NHS: variants seen among roughly 807,000 people sequenced by gnomAD.
The protein encoded by NHS is actin remodeling regulator NHS.
A neutral mutation model predicts 72.5 loss-of-function variants in NHS; 5 were observed. The observed-to-expected ratio is 0.07, with a 90% CI of 0.04 to 0.14. The LOEUF (loss-of-function observed/expected upper bound fraction) is 0.14, where lower values mean the gene tolerates loss of function less well. NHS is among the 10% of genes least tolerant of loss of function. The pLI, the probability that NHS is intolerant of heterozygous loss-of-function variation, is 1.00. For missense variants in NHS, 1,072 were observed against 1,355.7 expected, an observed-to-expected ratio of 0.79 and a Z score of 3.29; for synonymous variants, 464 against 547.7, an observed-to-expected ratio of 0.85 and a Z score of 2.13.
intron 1 of NHS, among the ~76,000 whole-genome samples, chrX:17,682,471 G>A (rs746579687): frequency 8.9e-6 from 1 of 111,963 alleles, no homozygotes; most frequent in Admixed American, 9.4e-5. Flanking sequence ...TGGCTGTGGT[G>A]GTAGAAGGGC....
At chrX:17,677,674 G>A (rs766627675) in intron 1 of NHS, among the ~76,000 whole-genome samples, 14 of 111,863 alleles carry the variant, frequency 1.3e-4, no homozygotes, top group African/African-American at 4.5e-4. Flanking sequence ...GCTCCTTGCG[G>A]TCTGTGTTAT....
At position 17,375,561 on chromosome X, in the gene NHS, G is replaced by A. The variant is rs772147436; in HGVS notation, c.-197G>A. 2.3e-6 allele frequency: 1 copy of A among 441,447 alleles called. No individual in the cohort carries two copies. Among genetic ancestry groups the A allele is most frequent in the South Asian group, 3.4e-5 (1 of 29,050 alleles). The allele number at this position is 441,447 out of a possible 1,213,427, so 36.4% of individuals were successfully genotyped here. A position where few individuals can be genotyped will look rare whatever the true frequency, so the allele number is the denominator to read the frequency against. On this transcript the variant is annotated 5_prime_UTR_variant, in exon 1 of 9. Coordinates refer to ENST00000676302, the MANE Select transcript of NHS (RefSeq NM_001291867.2). ...CCAGGGAACGGTGCACCCAAAGGAG[G>A]ACTGGCTGGACTGATTTGCTAGGGA... is the stretch of plus-strand genomic sequence containing the variant.
At chrX:17,699,837 C>T (rs1477227940) in intron 3 of NHS, among the ~76,000 whole-genome samples, 1 of 111,766 alleles carries the variant, frequency 8.9e-6, no homozygotes, top group Non-Finnish European at 1.9e-5. Context: ...TCCAGGGAAA[C>T]ACTTTCTAAC....
At chrX:17,416,792 A>ATGTGTG (rs770265000) in intron 1 of NHS, among the ~76,000 whole-genome samples, 3 of 95,714 alleles carry the variant, frequency 3.1e-5, no homozygotes, top group Non-Finnish European at 4.2e-5. Flanking sequence ...ATGTAGGAGT[A>ATGTGTG]TGTGTGTGTG....
At chrX:17,561,574 GCACACA>G (rs530971006) in intron 1 of NHS, among the ~76,000 whole-genome samples, 4,501 of 65,334 alleles carry the variant, frequency 0.069, 162 homozygotes, top group East Asian at 0.18. Flanking sequence ...GCGCGCGCGC[GCACACA>G]CACACACACA....
intron 3 of NHS, among the ~76,000 whole-genome samples, chrX:17,704,298 A>T (rs2066283030): frequency 9.1e-6 from 1 of 109,438 alleles, no homozygotes; most frequent in Non-Finnish European, 1.9e-5. Flanking sequence ...TTAAAAATTA[A>T]AAAAAAATTT....
chrX:17,487,121 A>AT (rs909401269), intron 1 of NHS, among the ~76,000 whole-genome samples: 4 of 112,191 alleles, frequency 3.6e-5, no homozygotes, highest in Non-Finnish European at 7.5e-5. Flanking sequence ...GAAGTTTGCA[A>AT]AATGCTATCA....
intron 1 of NHS, among the ~76,000 whole-genome samples, chrX:17,531,290 G>C (rs1206572805): frequency 2.0e-5 from 2 of 99,963 alleles, no homozygotes; most frequent in Non-Finnish European, 4.0e-5. Flanking sequence ...TTCTTCCCCT[G>C]GTGCCCCAGC....
At chrX:17,475,929 C>T (rs2064915284) in intron 1 of NHS, among the ~76,000 whole-genome samples, 1 of 111,719 alleles carries the variant, frequency 9.0e-6, no homozygotes, top group African/African-American at 3.3e-5. Flanking sequence ...GATTTAGGGG[C>T]TCCTGTGCCC....
intron 1 of NHS, among the ~76,000 whole-genome samples, chrX:17,544,119 G>A (rs2065277949): frequency 8.9e-6 from 1 of 112,380 alleles, no homozygotes; most frequent in Non-Finnish European, 1.9e-5. Context: ...CCAGGCAGAC[G>A]CTATGCTAAG....
At chrX:17,587,660 C>T (rs549842325) in intron 1 of NHS, among the ~76,000 whole-genome samples, 7 of 112,313 alleles carry the variant, frequency 6.2e-5, no homozygotes, top group African/African-American at 2.3e-4. Context: ...CTGTACAGGG[C>T]TGTGTGAACG....
chrX:17,729,484 C>T (rs1473693069), intron 8 of NHS, among the ~76,000 whole-genome samples: 2 of 112,039 alleles, frequency 1.8e-5, no homozygotes, highest in Non-Finnish European at 3.8e-5. Flanking sequence ...GTTTTTCTTT[C>T]TTCTTAGAAC....
chrX:17,709,288 T>G (rs147533275), intron 3 of NHS, among the ~76,000 whole-genome samples: 1,454 of 111,632 alleles, frequency 0.013, 17 homozygotes, highest in African/African-American at 0.045. Flanking sequence ...CTATACCCAT[T>G]TTCAAGGCTC....
intron 1 of NHS, among the ~76,000 whole-genome samples, chrX:17,545,474 A>C (rs752785353): frequency 6.3e-4 from 70 of 111,609 alleles, no homozygotes; most frequent in Non-Finnish European, 1.2e-3. Flanking sequence ...TCTGTGGGCC[A>C]GGTTTGGAAG....
At chrX:17,454,483 G>A (rs1025870926) in intron 1 of NHS, among the ~76,000 whole-genome samples, 1 of 112,020 alleles carries the variant, frequency 8.9e-6, no homozygotes, top group African/African-American at 3.2e-5. Flanking sequence ...CAATCCATTC[G>A]CTCATTCTGC....
chrX:17,569,450 G>C (rs2065463721), intron 1 of NHS, among the ~76,000 whole-genome samples: 1 of 110,193 alleles, frequency 9.1e-6, no homozygotes, highest in Admixed American at 9.5e-5. Flanking sequence ...GTGTCTGTTG[G>C]CTGCATAAAT....
intron 1 of NHS, among the ~76,000 whole-genome samples, chrX:17,509,702 G>A (rs977680161): frequency 3.6e-5 from 4 of 112,274 alleles, no homozygotes; most frequent in African/African-American, 9.7e-5. Flanking sequence ...CTTGCTCAAG[G>A]TCACACAGCT....
chrX:17,663,208 G>C, intron 1 of NHS, among the ~76,000 whole-genome samples: 1 of 111,318 alleles, frequency 9.0e-6, no homozygotes, highest in Non-Finnish European at 1.9e-5. Flanking sequence ...GGCATGGAGG[G>C]GAGAGGGAAG....
At chrX:17,453,666 A>G (rs2064814907) in intron 1 of NHS, among the ~76,000 whole-genome samples, 1 of 112,503 alleles carries the variant, frequency 8.9e-6, no homozygotes, top group Admixed American at 9.4e-5. Flanking sequence ...TACATTTAAA[A>G]TAACTGTTCT....
Sources: allele counts gnomAD v4.1 joint callset (sites outside exome capture counted in the v4.1 genomes callset), GRCh38; gene constraint gnomAD v4.1.1; transcripts MANE v1.5; gene names NCBI Gene and HGNC (gene_info 2026-07-23, HGNC 2026-07-21).